The following HTN1 variants were observed in gnomAD, a reference collection of about 807,000 sequenced individuals.
HTN1 encodes the protein histatin-1.
In HTN1, 18 loss-of-function variants were observed where a neutral mutation model predicts 11.2. The ratio of observed to expected loss-of-function variants is 1.61; its 90% CI spans 1.12 to 2.39. The LOEUF is 2.39. Ranked by LOEUF, HTN1 falls within the 30% of genes most tolerant of loss-of-function variation. HTN1 has a pLI of 0.00. For synonymous variants in HTN1, 21 were observed against 20.5 expected (o/e 1.02, Z -0.07); for missense variants, 80 against 67.2 (o/e 1.19, Z -0.67).
At chr4:70,052,130 A>T (rs1345712081) in intron 1 of HTN1, among the ~76,000 whole-genome samples, 1 of 152,152 alleles carries the variant, frequency 6.6e-6, no homozygotes, top group African/African-American at 2.4e-5. Flanking sequence ...GAAATATTGA[A>T]TAATCTTCAC....
intron 2 of HTN1, among the ~76,000 whole-genome samples, chr4:70,053,428 A>C (rs1725951177): frequency 6.6e-6 from 1 of 152,164 alleles, no homozygotes; most frequent in Non-Finnish European, 1.5e-5. Flanking sequence ...TTTAAATGTG[A>C]AAAGCTCTAG....
At chr4:70,052,018 CT>C (rs1257998570) in intron 1 of HTN1, among the ~76,000 whole-genome samples, 1 of 152,204 alleles carries the variant, frequency 6.6e-6, no homozygotes, top group Non-Finnish European at 1.5e-5. Flanking sequence ...ACCTGCTATA[CT>C]TTTTTATATC....
chr4:70,055,830 T>C (rs1726025516), intron 5 of HTN1: 1 of 323,334 alleles, frequency 3.1e-6, no homozygotes, highest in Non-Finnish European at 5.6e-6. Flanking sequence ...GGTACCATGC[T>C]GTTTTGGTAA....
In HTN1 at chr4:70,054,309, C is replaced by CT. The variant is rs1725976734; in HGVS notation, c.52-6dup. The CT allele has an allele frequency of 2.1e-6, 3 of 1,439,934 alleles. No homozygotes were observed. Among genetic ancestry groups the CT allele is most frequent in the Non-Finnish European group, 2.8e-6 (3 of 1,061,152 alleles). The allele number at this position is 1,439,934 out of a possible 1,614,324, so 89.2% of individuals were successfully genotyped here. A position where few individuals can be genotyped will look rare whatever the true frequency, so the allele number is the denominator to read the frequency against. Reference sequence around the variant, plus strand: ...AAAATATTAATTATTTTCTCATTTTCTTTTTTTCCAAGAGCGCTGATTCAC... The same window carrying CT: ...AAAATATTAATTATTTTCTCATTTTCTTTTTTTTCCAAGAGCGCTGATTCAC... On this transcript the variant is annotated splice_polypyrimidine_tract_variant and intron_variant, in intron 2 of 5. Coordinates refer to ENST00000246896, the MANE Select transcript of HTN1 (RefSeq NM_002159.4).
intron 4 of HTN1, among the ~76,000 whole-genome samples, chr4:70,054,803 T>C (rs1725991696): frequency 6.6e-6 from 1 of 152,054 alleles, no homozygotes; most frequent in Non-Finnish European, 1.5e-5. Context: ...TGTAATGTGG[T>C]AAGTTTCTAC....
intron 5 of HTN1, chr4:70,057,168 A>G (rs1560436789): frequency 6.6e-6 from 1 of 152,252 alleles, no homozygotes; most frequent in Non-Finnish European, 1.5e-5. Context: ...TGGATAAAGA[A>G]AATGTGGTAC....
At chr4:70,052,693 G>C (rs1321034632) in intron 1 of HTN1, among the ~76,000 whole-genome samples, 2 of 151,670 alleles carry the variant, frequency 1.3e-5, no homozygotes, top group Non-Finnish European at 2.9e-5. Flanking sequence ...GCTCACACCT[G>C]TAATCCAAGC....
chr4:70,052,635 A>T (rs1356331444), intron 1 of HTN1, among the ~76,000 whole-genome samples: 1 of 151,956 alleles, frequency 6.6e-6, no homozygotes, highest in East Asian at 1.9e-4. Context: ...AATATTTCCA[A>T]ATCAGAGCAC....
intron 2 of HTN1, among the ~76,000 whole-genome samples, chr4:70,054,079 T>A (rs112632858): frequency 2.6e-5 from 4 of 152,070 alleles, no homozygotes; most frequent in African/African-American, 7.2e-5. Context: ...TTTTCCTGCC[T>A]TACATAAAAA....
intron 5 of HTN1, chr4:70,057,275 C>T (rs1726067631): frequency 6.6e-6 from 1 of 152,122 alleles, no homozygotes. Flanking sequence ...CCTCAGCAAA[C>T]TAACACAGGA....
Position 70,055,513 on chromosome 4 carries a change from CA to C in HTN1, c.119del (p.His40LeufsTer27), listed in dbSNP as rs1393677571. On this transcript the variant is annotated frameshift_variant, in exon 5 of 6. Coordinates refer to ENST00000246896, the MANE Select transcript of HTN1 (RefSeq NM_002159.4). LOFTEE classifies it high-confidence loss of function. ...GTGTATGCAGGAAAAGCATCATTCA[CA>C]TCGAGAATTTCCATTTTATGGGGAC... is the stretch of plus-strand genomic sequence containing the variant. Reference protein sequence around the residue: ...RRKFHEKHHSHREFPFYGDYG... With the variant: ...RRKFHEKHHSXREFPFYGDYG... 7 of 1,595,984 alleles carry C rather than the reference CA, an allele frequency of 4.4e-6. No homozygotes were observed. The highest frequency in any genetic ancestry group is 4.0e-5 in the African/African-American group (3 of 74,350).
intron 1 of HTN1, among the ~76,000 whole-genome samples, chr4:70,052,346 C>T (rs1281334277): frequency 1.3e-5 from 2 of 152,176 alleles, no homozygotes; most frequent in Non-Finnish European, 1.5e-5. Context: ...TCTCTTTACA[C>T]TGTACCTTAA....
At chr4:70,057,479 A>C (rs1726072889) in intron 5 of HTN1, 1 of 152,192 alleles carries the variant, frequency 6.6e-6, no homozygotes, top group Non-Finnish European at 1.5e-5. Flanking sequence ...CATGTTCTGC[A>C]TATGTATTCT....
chr4:70,053,781 A>T (rs1725959389), intron 2 of HTN1, among the ~76,000 whole-genome samples: 1 of 152,074 alleles, frequency 6.6e-6, no homozygotes, highest in South Asian at 2.1e-4. Flanking sequence ...CTTAATAGAA[A>T]ATTGGTCACA....
In HTN1 at chr4:70,054,324, C is replaced by T. The variant is rs182825270; in HGVS notation, c.54C>T (p.Ser18=). 2.3e-4 allele frequency: 338 copies of T among 1,498,148 alleles called. 1 individual carries two copies. The highest frequency in any genetic ancestry group is 8.6e-4 in the African/African-American group (61 of 70,860). 92.8% of individuals were successfully genotyped at this position (1,498,148 alleles called of 1,614,324 possible). ...TTCTCATTTTCTTTTTTTCCAAGAGCGCTGATTCACATGAAAAGGTAAGAC... is the reference window on the plus strand; with the variant it reads ...TTCTCATTTTCTTTTTTTCCAAGAGTGCTGATTCACATGAAAAGGTAAGAC... ...LVLALMISMI[S]ADSHEKRHHG... The change falls in exon 3 of 6, where the codon AGC becomes AGT. Residue 18 remains serine, a splice_region_variant and synonymous_variant. Coordinates refer to ENST00000246896, the MANE Select transcript of HTN1 (RefSeq NM_002159.4).
At chr4:70,054,534 C>G (rs556338552) in intron 4 of HTN1, 84 bp downstream of exon 4, 2 of 883,316 alleles carry the variant, frequency 2.3e-6, no homozygotes, top group East Asian at 2.6e-5. Flanking sequence ...ATAGTTGTCT[C>G]TCAAATATAT....
chr4:70,054,178 C>A, intron 2 of HTN1, 144 bp from the exon 3 acceptor site: 2 of 515,810 alleles, frequency 3.9e-6, no homozygotes, highest in South Asian at 3.3e-5. Context: ...TGTCATAAAG[C>A]TAAAATAACT....
At chr4:70,053,441 C>A (rs182468184) in intron 2 of HTN1, among the ~76,000 whole-genome samples, 1 of 152,064 alleles carries the variant, frequency 6.6e-6, no homozygotes, top group Non-Finnish European at 1.5e-5. Context: ...AGCTCTAGAC[C>A]ATCTGAAGTT....
At chr4:70,050,855 G>C (rs955258276) in intron 1 of HTN1, among the ~76,000 whole-genome samples, 3 of 152,054 alleles carry the variant, frequency 2.0e-5, no homozygotes, top group African/African-American at 7.2e-5. Flanking sequence ...ATGGTGGTTT[G>C]CTGCACCTAT....
Sources: allele counts gnomAD v4.1 joint callset (sites outside exome capture counted in the v4.1 genomes callset), GRCh38; gene constraint gnomAD v4.1.1; transcripts MANE v1.5; gene names NCBI Gene and HGNC (gene_info 2026-07-23, HGNC 2026-07-21).